SGMS1: variants seen among roughly 807,000 people sequenced by gnomAD.
SGMS1 encodes the protein sphingomyelin synthase 1, also known as phosphatidylcholine:ceramide cholinephosphotransferase 1.
Under a neutral mutation model 46.2 loss-of-function variants are expected in SGMS1, and 13 were observed. The ratio of observed to expected loss-of-function variants is 0.28; its 90% CI spans 0.18 to 0.45. SGMS1 has a LOEUF of 0.45. Ranked by LOEUF, SGMS1 falls within the 20% of genes least tolerant of loss-of-function variation. The pLI is 1.00. For synonymous variants in SGMS1, 203 were observed against 187.8 expected (o/e 1.08, Z -0.66); for missense variants, 324 against 519.9 (o/e 0.62, Z 3.66).
intron 6 of SGMS1, among the ~76,000 whole-genome samples, chr10:50,404,849 T>A (rs1848991200): frequency 6.6e-6 from 1 of 152,178 alleles, no homozygotes; most frequent in Non-Finnish European, 1.5e-5. Context: ...AATCAATTAT[T>A]ATACACCCAT....
At chr10:50,621,895 TCA>T (rs1476421924) in intron 1 of SGMS1, among the ~76,000 whole-genome samples, 5 of 152,200 alleles carry the variant, frequency 3.3e-5, no homozygotes, top group South Asian at 4.1e-4. Flanking sequence ...ACCCAGCAGG[TCA>T]CAGAGATGCA....
chr10:50,359,487 A>G (rs993577013), intron 6 of SGMS1, among the ~76,000 whole-genome samples: 1 of 152,170 alleles, frequency 6.6e-6, no homozygotes, highest in Non-Finnish European at 1.5e-5. Flanking sequence ...TCCACTGTAT[A>G]CCATGGACAT....
At chr10:50,338,220 G>A (rs1025164117) in intron 7 of SGMS1, among the ~76,000 whole-genome samples, 2 of 152,128 alleles carry the variant, frequency 1.3e-5, no homozygotes, top group African/African-American at 2.4e-5. Context: ...ATGCCAGAAT[G>A]TTTTACCACT....
intron 6 of SGMS1, among the ~76,000 whole-genome samples, chr10:50,356,433 C>T (rs989256898): frequency 1.1e-4 from 17 of 152,144 alleles, no homozygotes; most frequent in Admixed American, 2.6e-4. Flanking sequence ...AGGCGGAAGG[C>T]GGCAGGGCCC....
intron 2 of SGMS1, among the ~76,000 whole-genome samples, chr10:50,577,624 CAA>C (rs1838397144): frequency 6.6e-6 from 1 of 152,150 alleles, no homozygotes; most frequent in Non-Finnish European, 1.5e-5. Context: ...GCTTTAATAA[CAA>C]GAGAGAAAGG....
intron 2 of SGMS1, among the ~76,000 whole-genome samples, chr10:50,576,627 A>T (rs2131868349): frequency 6.6e-6 from 1 of 152,360 alleles, no homozygotes; most frequent in Non-Finnish European, 1.5e-5. Flanking sequence ...GCCTATTCAT[A>T]ACAATCTCAA....
At position 50,528,472 on chromosome 10, in the gene SGMS1, A is replaced by C. The variant is rs565157481; in HGVS notation, c.-588-8551T>G. Among the ~76,000 whole-genome samples the C allele has an allele frequency of 2.0e-5, 3 of 152,366 alleles. No homozygotes were observed. The South Asian group carries it at 6.2e-4, about 32-fold the overall frequency. ...AATACACAGCAGGGACTATTCTTAA[A>C]ACCAAAAGACTTACCAGTGAGGCAG... On this transcript the variant is annotated intron_variant, in intron 2 of 10. Transcript: ENST00000361781.
intron 8 of SGMS1, among the ~76,000 whole-genome samples, chr10:50,320,378 T>C (rs911674974): frequency 6.6e-6 from 1 of 152,194 alleles, no homozygotes; most frequent in South Asian, 2.1e-4. Flanking sequence ...CTCACTGTTA[T>C]AAAAATTAAA....
chr10:50,576,049 C>T (rs546298718), intron 2 of SGMS1, among the ~76,000 whole-genome samples: 2 of 152,024 alleles, frequency 1.3e-5, no homozygotes, highest in Non-Finnish European at 2.9e-5. Context: ...GGCATCACTT[C>T]CCATGTTAGA....
chr10:50,469,336 G>A (rs573662708), intron 3 of SGMS1, among the ~76,000 whole-genome samples: 198 of 152,290 alleles, frequency 1.3e-3, no homozygotes, highest in African/African-American at 4.5e-3. Flanking sequence ...AGTGGCTTGA[G>A]AAGGTCTAGA....
intron 5 of SGMS1, among the ~76,000 whole-genome samples, chr10:50,439,627 T>G (rs1218331265): frequency 6.6e-6 from 1 of 152,164 alleles, no homozygotes; most frequent in African/African-American, 2.4e-5. Context: ...ACTATAAAGC[T>G]CCTACAGTAC....
At chr10:50,548,800 A>G (rs1330681796) in intron 2 of SGMS1, among the ~76,000 whole-genome samples, 1 of 152,236 alleles carries the variant, frequency 6.6e-6, no homozygotes, top group Non-Finnish European at 1.5e-5. Flanking sequence ...AATTTTTGCA[A>G]TCTATCCAAC....
chr10:50,502,484 T>TGACC (rs995760274), intron 3 of SGMS1, among the ~76,000 whole-genome samples: 42 of 152,234 alleles, frequency 2.8e-4, no homozygotes, highest in Admixed American at 1.8e-3. Flanking sequence ...ACCAGCATGC[T>TGACC]GACCCTACCC....
intron 6 of SGMS1, among the ~76,000 whole-genome samples, chr10:50,376,165 C>G (rs1848518880): frequency 6.6e-6 from 1 of 152,154 alleles, no homozygotes; most frequent in South Asian, 2.1e-4. Context: ...GTACCACAAG[C>G]CATGTCTTCA....
At chr10:50,379,860 G>A (rs1848576137) in intron 6 of SGMS1, among the ~76,000 whole-genome samples, 1 of 152,104 alleles carries the variant, frequency 6.6e-6, no homozygotes, top group South Asian at 2.1e-4. Flanking sequence ...TCCTGGCAAC[G>A]GCAGTTCTGG....
intron 1 of SGMS1, among the ~76,000 whole-genome samples, chr10:50,615,253 C>G (rs966640483): frequency 2.0e-5 from 3 of 152,174 alleles, no homozygotes; most frequent in Non-Finnish European, 2.9e-5. Flanking sequence ...CAGGTCTTTC[C>G]GGACAAAAGC....
chr10:50,558,920 G>A (rs772032175), intron 2 of SGMS1, among the ~76,000 whole-genome samples: 100 of 152,052 alleles, frequency 6.6e-4, no homozygotes, highest in Non-Finnish European at 1.2e-3. Flanking sequence ...AAGGTTTCCG[G>A]TCAAGAGTAG....
intron 8 of SGMS1, among the ~76,000 whole-genome samples, chr10:50,312,053 G>A (rs1332061146): frequency 1.3e-5 from 2 of 152,080 alleles, no homozygotes; most frequent in Non-Finnish European, 2.9e-5. Flanking sequence ...TAAATAGCTT[G>A]AACAACTCAT....
intron 2 of SGMS1, among the ~76,000 whole-genome samples, chr10:50,579,230 T>G (rs1345177089): frequency 1.3e-5 from 2 of 151,870 alleles, no homozygotes; most frequent in Non-Finnish European, 2.9e-5. Flanking sequence ...GTAGGAAATA[T>G]CCTAAGAATA....
Sources: gnomAD v4.1 joint callset for allele counts (sites outside exome capture counted in the v4.1 genomes callset) on GRCh38, gnomAD v4.1.1 for gene constraint, MANE v1.5 for transcripts, NCBI Gene and HGNC (gene_info 2026-07-23, HGNC 2026-07-21) for gene names.